PIK3C2G: variants seen among roughly 807,000 people sequenced by gnomAD.
PIK3C2G encodes phosphatidylinositol 3-kinase C2 domain-containing subunit gamma.
Under a neutral mutation model 181.1 loss-of-function variants are expected in PIK3C2G, and 168 were observed. The ratio of observed to expected loss-of-function variants is 0.93; its 90% CI spans 0.82 to 1.05. The LOEUF is 1.05. PIK3C2G is among the 50% of genes least tolerant of loss of function. The pLI is 0.00. For synonymous variants in PIK3C2G, 573 were observed against 592.2 expected, an observed-to-expected ratio of 0.97 and a Z score of 0.47; for missense variants, 1,869 against 1,732.8, an observed-to-expected ratio of 1.08 and a Z score of -1.40.
intron 8 of PIK3C2G, among the ~76,000 whole-genome samples, chr12:18,326,423 T>A (rs552874209): frequency 6.6e-6 from 1 of 152,334 alleles, no homozygotes; most frequent in Admixed American, 6.5e-5. Flanking sequence ...AAAGGGTACA[T>A]AACTCAGATA....
intron 16 of PIK3C2G, among the ~76,000 whole-genome samples, chr12:18,400,915 G>A (rs1944215518): frequency 1.3e-5 from 2 of 151,818 alleles, no homozygotes; most frequent in African/African-American, 4.8e-5. Flanking sequence ...ATTTGAGCTT[G>A]CAACTTTTTT....
intron 16 of PIK3C2G, among the ~76,000 whole-genome samples, chr12:18,414,105 A>G (rs1010841654): frequency 1.3e-5 from 2 of 152,302 alleles, no homozygotes; most frequent in Middle Eastern, 3.4e-3. Context: ...GAGGTATTCT[A>G]TGTTAGAAGA....
chr12:18,533,735 A>C (rs1171327909), intron 24 of PIK3C2G, among the ~76,000 whole-genome samples: 1 of 152,080 alleles, frequency 6.6e-6, no homozygotes, highest in African/African-American at 2.4e-5. Context: ...TACAGTGTAT[A>C]TCTCCCTGAT....
chr12:18,451,639 C>T (rs572463557), intron 18 of PIK3C2G, among the ~76,000 whole-genome samples: 234 of 152,266 alleles, frequency 1.5e-3, no homozygotes, highest in African/African-American at 5.4e-3. Flanking sequence ...GAGAGGGCAT[C>T]CTTATCTTGT....
intron 11 of PIK3C2G, among the ~76,000 whole-genome samples, chr12:18,360,504 T>C (rs183532935): frequency 6.6e-6 from 1 of 152,308 alleles, no homozygotes. Context: ...TATAGCATTG[T>C]TGCATTTCAA....
At chr12:18,670,067 A>T in the PIK3C2G span, among the ~76,000 whole-genome samples, 1 of 151,970 alleles carries the variant, frequency 6.6e-6, no homozygotes, top group Non-Finnish European at 1.5e-5. Flanking sequence ...ACCTCCTAAT[A>T]CCACCCCATT....
At chr12:18,444,951 T>C (rs2135850327) in intron 18 of PIK3C2G, among the ~76,000 whole-genome samples, 1 of 152,172 alleles carries the variant, frequency 6.6e-6, no homozygotes, top group South Asian at 2.1e-4. Context: ...CACTGCCAAA[T>C]AAGATCAATG....
At position 18,505,294 on chromosome 12, in the gene PIK3C2G, C is replaced by T; in HGVS notation, c.3156C>T (p.Ala1052=). Residue 1052 remains alanine (A), a splice_region_variant and synonymous_variant, in exon 24 of 33, where the codon GCC becomes GCT. Transcript: ENST00000538779. ...HNHLKADYEK[A]LRNFFYSCAG... ...ATGATTGTTTTTCAATGAATTAGGCCTTGAGGAACTTTTTCTACTCCTGTG... is the reference window on the plus strand; with the variant it reads ...ATGATTGTTTTTCAATGAATTAGGCTTTGAGGAACTTTTTCTACTCCTGTG... 1.3e-6 allele frequency: 2 copies of T among 1,588,116 alleles called. No homozygotes were observed. Among genetic ancestry groups the T allele is most frequent in the East Asian group, 2.3e-5 (1 of 44,114 alleles).
At chr12:18,720,603 T>A in the PIK3C2G span, among the ~76,000 whole-genome samples, 1 of 151,938 alleles carries the variant, frequency 6.6e-6, no homozygotes, top group Admixed American at 6.6e-5. Flanking sequence ...CCCTTATATA[T>A]TCACTCTAAA....
the PIK3C2G span, among the ~76,000 whole-genome samples, chr12:18,706,190 C>T: frequency 6.6e-6 from 1 of 151,438 alleles, no homozygotes; most frequent in Admixed American, 6.6e-5. Flanking sequence ...CGAGATTGCA[C>T]CATTGCACTC....
intron 30 of PIK3C2G, among the ~76,000 whole-genome samples, chr12:18,598,097 C>A (rs1398471762): frequency 6.6e-6 from 1 of 152,070 alleles, no homozygotes; most frequent in Non-Finnish European, 1.5e-5. Context: ...AGATTCAATG[C>A]CATCCCCATC....
chr12:18,347,224 GA>G (rs77196666), intron 11 of PIK3C2G, among the ~76,000 whole-genome samples: 33 of 148,780 alleles, frequency 2.2e-4, no homozygotes, highest in South Asian at 4.3e-4. Flanking sequence ...TTTAAAAATA[GA>G]AAAAAAAAAT....
chr12:18,317,517 T>G (rs1950921799), intron 6 of PIK3C2G, among the ~76,000 whole-genome samples: 1 of 152,080 alleles, frequency 6.6e-6, no homozygotes, highest in Non-Finnish European at 1.5e-5. Context: ...AAATGTAGAG[T>G]TCACATCCTA....
At chr12:18,495,850 T>C (rs1204361836) in intron 20 of PIK3C2G, among the ~76,000 whole-genome samples, 1 of 152,132 alleles carries the variant, frequency 6.6e-6, no homozygotes, top group African/African-American at 2.4e-5. Flanking sequence ...GCTGGCTTCT[T>C]GGTTTCAAAG....
chr12:18,282,703 T>C lies in PIK3C2G; in HGVS notation c.622T>C (p.Leu208=). The part of the protein sequence containing the change: ...VNIVEPSLML[L]KGSLQPGMWE... ...CATTGTGGAACCATCTTTGATGCTTTTGAAAGGCTCTCTTCAACCCGGAAT... is the reference window on the plus strand; with the variant it reads ...CATTGTGGAACCATCTTTGATGCTTCTGAAAGGCTCTCTTCAACCCGGAAT... The change falls in exon 2 of 33, where the codon TTG becomes CTG. Residue 208 remains leucine, a synonymous_variant. Transcript: ENST00000538779. The C allele has an allele frequency of 6.2e-7, 1 of 1,613,194 alleles. No individual in the cohort carries two copies. Among genetic ancestry groups the C allele is most frequent in the Non-Finnish European group, 8.5e-7 (1 of 1,179,542 alleles).
rs148630603 is a variant in PIK3C2G, at chr12:18,539,869, G to A, written c.3480+1557G>A. 1.3e-4 allele frequency among the ~76,000 whole-genome samples: 20 copies of A among 151,862 alleles called. No individual in the cohort carries two copies. In the East Asian group the frequency reaches 2.7e-3, roughly 21 times the overall value. ...GATATATAAAGTTCTACCCATCTCC[G>A]AAATCTTCAAGATTACTTTTCAGTA... On this transcript the variant is annotated intron_variant, in intron 25 of 32. Transcript: ENST00000538779.
intron 1 of PIK3C2G, among the ~76,000 whole-genome samples, chr12:18,276,384 C>T (rs948408423): frequency 1.3e-5 from 2 of 152,126 alleles, no homozygotes; most frequent in Non-Finnish European, 2.9e-5. Flanking sequence ...GAATGAATTA[C>T]TGATTCAACT....
chr12:18,389,953 T>C (rs1422598324), intron 14 of PIK3C2G, among the ~76,000 whole-genome samples: 3 of 152,194 alleles, frequency 2.0e-5, no homozygotes, highest in African/African-American at 7.2e-5. Flanking sequence ...TATTTGTCCA[T>C]ATAAAGAGTA....
At chr12:18,343,210 A>ATTTTTTTTTTTTTTTTTTTTTTTT in intron 9 of PIK3C2G, 117 bp from the exon 10 acceptor site, 1 of 622,810 alleles carries the variant, frequency 1.6e-6, no homozygotes. Flanking sequence ...GCCAAGAAAT[A>ATTTTTTTTTTTTTTTTTTTTTTTT]TTTTGTTGTT....
Sources: gnomAD v4.1 joint callset for allele counts (sites outside exome capture counted in the v4.1 genomes callset) on GRCh38, gnomAD v4.1.1 for gene constraint, MANE v1.5 for transcripts, NCBI Gene and HGNC (gene_info 2026-07-23, HGNC 2026-07-21) for gene names.